DNAH10: variants seen among roughly 807,000 people sequenced by gnomAD.
DNAH10 encodes the protein dynein axonemal heavy chain 10, also known as axonemal beta dynein heavy chain 10.
In DNAH10, 348 loss-of-function variants were observed where a neutral mutation model predicts 506.6. That is an observed-to-expected ratio of 0.69 (90% confidence interval 0.63 to 0.75). The LOEUF is 0.75. Ranked by LOEUF, DNAH10 falls within the 30% of genes least tolerant of loss-of-function variation. DNAH10 has a pLI of 0.00. For synonymous variants in DNAH10, 2,059 were observed against 2,198.6 expected (o/e 0.94, Z 1.78); for missense variants, 5,179 against 5,787.1 (o/e 0.89, Z 3.41).
intron 62 of DNAH10, among the ~76,000 whole-genome samples, chr12:123,915,941 A>T (rs908077913): frequency 6.7e-6 from 1 of 150,322 alleles, no homozygotes; most frequent in Non-Finnish European, 1.5e-5. Flanking sequence ...TGAACAAATT[A>T]ATTATTTTCA....
intron 25 of DNAH10, among the ~76,000 whole-genome samples, chr12:123,829,380 A>G (rs1440847362): frequency 6.6e-6 from 1 of 152,210 alleles, no homozygotes; most frequent in African/African-American, 2.4e-5. Flanking sequence ...TTGAAAGGTC[A>G]GTGGTCTCAA....
At chr12:123,782,153 C>T (rs775536570) in intron 6 of DNAH10, among the ~76,000 whole-genome samples, 1 of 151,974 alleles carries the variant, frequency 6.6e-6, no homozygotes, top group Non-Finnish European at 1.5e-5. Flanking sequence ...ATGTTACCAA[C>T]GTTTGATTGA....
At chr12:123,900,102 C>G (rs559983940) in intron 56 of DNAH10, among the ~76,000 whole-genome samples, 1 of 152,206 alleles carries the variant, frequency 6.6e-6, no homozygotes, top group African/African-American at 2.4e-5. Flanking sequence ...CTCTTTCTCT[C>G]CCTTTGGTCT....
chr12:123,809,561 A>G (rs1958846241), intron 19 of DNAH10, among the ~76,000 whole-genome samples: 1 of 152,068 alleles, frequency 6.6e-6, no homozygotes, highest in South Asian at 2.1e-4. Flanking sequence ...GAGGCAGAGG[A>G]TTGCTTGAGC....
rs906235359 is a variant in DNAH10, at chr12:123,792,368, A to G, written c.1816-1574A>G. Among the ~76,000 whole-genome samples the G allele has an allele frequency of 2.0e-5, 3 of 152,100 alleles. No individual in the cohort carries two copies. In the South Asian group the frequency reaches 6.2e-4, roughly 32 times the overall value. Reference sequence around the variant, plus strand: ...TAGCCTCTAAATACTTAAACATATCAGTGCCATTATTTACCTAGAGGCCTT... The same window carrying G: ...TAGCCTCTAAATACTTAAACATATCGGTGCCATTATTTACCTAGAGGCCTT... On this transcript the variant is annotated intron_variant, in intron 11 of 78. Transcript: ENST00000673944.
In DNAH10 at chr12:123,902,946, G is replaced by A. The variant is rs780511057; in HGVS notation, c.9648G>A (p.Glu3216=). The change falls in exon 57 of 79, where the codon GAG becomes GAA. Residue 3216 remains glutamate (E), a synonymous_variant. Transcript: ENST00000673944. This position sits in a 1 kb window ranked among gnomAD's most constrained non-coding sequence, Gnocchi z 4.5. ...EIAVNTAVAE[E]KKKLAEEKAM... is the part of the protein sequence containing the mutation. Reference sequence around the variant, plus strand: ...CCCTGTCCTACCCTGCAGCCGAGGAGAAGAAGAAACTGGCAGAGGAAAAGG... The same window carrying A: ...CCCTGTCCTACCCTGCAGCCGAGGAAAAGAAGAAACTGGCAGAGGAAAAGG... The A allele has an allele frequency of 3.2e-6, 5 of 1,585,160 alleles. No individual in the cohort carries two copies. In the South Asian group the frequency reaches 4.6e-5, roughly 15 times the overall value.
intron 11 of DNAH10, among the ~76,000 whole-genome samples, chr12:123,793,436 T>G (rs1328925583): frequency 1.3e-5 from 2 of 151,724 alleles, no homozygotes; most frequent in African/African-American, 4.8e-5. Context: ...CCTCCTGGGT[T>G]CACACCGTTC....
rs1277434055 is a variant in DNAH10 at position 123,913,896 on chromosome 12, A to G, written c.10353-433A>G. On this transcript the variant is annotated intron_variant, in intron 60 of 78. Transcript: ENST00000673944. The surrounding 1 kb of genome is among the most constrained non-coding windows in gnomAD (Gnocchi z 5.1). ...ACAATTTTCAGTATTTCTTAAACCT[A>G]AGTCTTGGGGCATTTACTGAAAGAG... Among the ~76,000 whole-genome samples the G allele has an allele frequency of 6.6e-6, 1 of 152,230 alleles. No individual in the cohort carries two copies. Among genetic ancestry groups the G allele is most frequent in the African/African-American group, 2.4e-5 (1 of 41,466 alleles).
At chr12:123,830,523 T>C in intron 25 of DNAH10, 23 bp from the exon 26 acceptor site, 1 of 1,606,320 alleles carries the variant, frequency 6.2e-7, no homozygotes, top group Non-Finnish European at 8.5e-7. Flanking sequence ...AGCATAAAGA[T>C]TTGAATGCTG....
intron 50 of DNAH10, among the ~76,000 whole-genome samples, chr12:123,880,739 G>T (rs1296203039): frequency 1.3e-5 from 2 of 151,282 alleles, no homozygotes; most frequent in African/African-American, 4.9e-5. Flanking sequence ...CCATGTTGGT[G>T]TAGTGCACCC....
chr12:123,901,097 C>A (rs533046675), intron 56 of DNAH10, among the ~76,000 whole-genome samples: 1 of 152,234 alleles, frequency 6.6e-6, no homozygotes, highest in Non-Finnish European at 1.5e-5. Context: ...CCAGCCCATG[C>A]TTCTGCCTGG....
In DNAH10 at chr12:123,877,901, C is replaced by T. The variant is rs769216947; in HGVS notation, c.8365C>T (p.Pro2789Ser). Residue 2789 changes from proline (P) to serine (S), a missense_variant, in exon 48 of 79, where the codon CCG becomes TCG. This residue lies in a region of DNAH10 where 4,844 missense variants were observed against 5,430.5 expected (regional missense o/e 0.89). Transcript: ENST00000673944. ...TTTTAATGGTCTTGTCCTCACTAAC[C>T]CGGAGCGGTGAGTTTGATTTATCTT... ...RVFNGLVLTN[P>S]ERFQTVAQMV... 3.1e-6 allele frequency: 5 copies of T among 1,613,334 alleles called. No individual in the cohort carries two copies. The highest frequency in any genetic ancestry group is 4.2e-6 in the Non-Finnish European group (5 of 1,179,686).
At chr12:123,791,663 A>G (rs536238401) in intron 11 of DNAH10, among the ~76,000 whole-genome samples, 1 of 152,016 alleles carries the variant, frequency 6.6e-6, no homozygotes, top group Non-Finnish European at 1.5e-5. Flanking sequence ...TGCAGCTTCA[A>G]CCTTCTGGGC....
chr12:123,785,793 CG>C lies in DNAH10; in HGVS notation c.1279del (p.Ala427ProfsTer2), dbSNP rs1468373365. ...TCCACGTGGTCCTGGACACCATCCC[CG>C]CCATGATGAGTGCCCTGCGGATGGT... ...GFHVVLDTIPAMMSALRMVWI... is the reference protein window; with the variant it reads ...GFHVVLDTIPXMMSALRMVWI... On this transcript the variant is annotated frameshift_variant, in exon 9 of 79. Coordinates refer to ENST00000673944, the MANE Select transcript of DNAH10 (RefSeq NM_001372106.1). LOFTEE classifies it high-confidence loss of function. The surrounding 1 kb of genome is among the most constrained non-coding windows in gnomAD (Gnocchi z 4.1). 11 of 1,613,984 alleles carry C rather than the reference CG, an allele frequency of 6.8e-6. No individual in the cohort carries two copies. The highest frequency in any genetic ancestry group is 1.7e-5 in the Admixed American group (1 of 59,996).
intron 18 of DNAH10, among the ~76,000 whole-genome samples, chr12:123,808,274 T>C (rs1439229710): frequency 1.3e-5 from 2 of 152,072 alleles, no homozygotes; most frequent in Non-Finnish European, 2.9e-5. Context: ...CAAATGATCC[T>C]CCCACCTCAG....
Position 123,787,482 on chromosome 12 carries a change from GC to G in DNAH10, c.1422-320del, listed in dbSNP as rs1957900038. On this transcript the variant is annotated intron_variant, in intron 9 of 78. Coordinates refer to ENST00000673944, the MANE Select transcript of DNAH10 (RefSeq NM_001372106.1). The surrounding 1 kb of genome is among the most constrained non-coding windows in gnomAD (Gnocchi z 4.6). ...TACCCAAATGGAGGCATTGTCCTGCGCCGTGTTGCAGCTGCCGCTGTTGACC... is the reference window on the plus strand; with the variant it reads ...TACCCAAATGGAGGCATTGTCCTGCGCGTGTTGCAGCTGCCGCTGTTGACC... Among the ~76,000 whole-genome samples, 1 of 152,324 alleles carries G rather than the reference GC, an allele frequency of 6.6e-6. No homozygotes were observed. Among genetic ancestry groups the G allele is most frequent in the Non-Finnish European group, 1.5e-5 (1 of 68,028 alleles).
At chr12:123,896,127 A>ACG in intron 54 of DNAH10, among the ~76,000 whole-genome samples, 1 of 106,034 alleles carries the variant, frequency 9.4e-6, no homozygotes, top group South Asian at 3.0e-4. Flanking sequence ...ACACACACAC[A>ACG]CACACACACA....
chr12:123,897,959 G>A lies in DNAH10; in HGVS notation c.9470G>A (p.Cys3157Tyr), dbSNP rs1193697314. ...YSKLLDEKTQ[C>Y]NIAQCKRLDG... ...AAATTGCTGGATGAGAAAACTCAGT[G>A]TAATATAGGTAAGCCTTGGGGATGG... The change falls in exon 55 of 79, where the codon TGT (cysteine) becomes TAT (tyrosine). Residue 3157 changes from cysteine (C) to tyrosine (Y), a missense_variant. Transcript: ENST00000673944. 6.3e-7 allele frequency: 1 copy of A among 1,584,492 alleles called. No individual in the cohort carries two copies. The highest frequency in any genetic ancestry group is 8.6e-7 in the Non-Finnish European group (1 of 1,168,928).
chr12:123,784,163 G>T lies in DNAH10; in HGVS notation c.1216G>T (p.Glu406Ter). ...CAATGTGCGCTTTCTCTCCACCGTG[G>T]AGCGTTATTTCAAGGTATGCTGGGT... Reference protein sequence around the residue: ...SDNVRFLSTVERYFKNITHGS... With the variant: ...SDNVRFLSTV The change falls in exon 8 of 79, where the codon GAG becomes TAG. Residue 406 changes from glutamate to a stop codon, truncating the protein, a stop_gained. Transcript: ENST00000673944. LOFTEE classifies it high-confidence loss of function. 1.2e-6 allele frequency: 2 copies of T among 1,614,172 alleles called. No individual in the cohort carries two copies. Among genetic ancestry groups the T allele is most frequent in the African/African-American group, 2.7e-5 (2 of 75,048 alleles).
Sources: gnomAD v4.1 joint callset for allele counts (sites outside exome capture counted in the v4.1 genomes callset) on GRCh38, gnomAD v4.1.1 for gene constraint, gnomAD v4.1.1 regional missense constraint, Gnocchi (gnomAD v3.1) non-coding constraint, MANE v1.5 for transcripts, NCBI Gene and HGNC (gene_info 2026-07-23, HGNC 2026-07-21) for gene names.